The following OR8D4 variants were observed in gnomAD, a reference collection of about 807,000 sequenced individuals.
The protein encoded by OR8D4 is olfactory receptor 8D4.
For synonymous variants in OR8D4, 141 were observed against 134.8 expected (o/e 1.05, Z -0.32); for missense variants, 359 against 372.6 (o/e 0.96, Z 0.30).
chr11:123,905,656 C>G (rs887073520), intron 1 of OR8D4, among the ~76,000 whole-genome samples: 15 of 151,184 alleles, frequency 9.9e-5, no homozygotes, highest in African/African-American at 3.6e-4. Context: ...GTGTCACTAG[C>G]AAAAGTATTC....
chr11:123,906,391 T>G, intron 1 of OR8D4, 26 bp from the exon 2 acceptor site: 1 of 1,299,944 alleles, frequency 7.7e-7, no homozygotes, highest in Non-Finnish European at 1.1e-6. Context: ...TGATAGAATT[T>G]GACTTTTTCT....
In OR8D4 at chr11:123,907,969, A is replaced by T. The variant is rs1331662160; in HGVS notation, c.*593A>T. 6.6e-6 allele frequency: 1 copy of T among 152,138 alleles called. No homozygotes were observed. The highest frequency in any genetic ancestry group is 2.4e-5 in the African/African-American group (1 of 41,436). The allele number at this position is 152,138 out of a possible 1,614,324, so 9.4% of individuals were successfully genotyped here. A position where few individuals can be genotyped will look rare whatever the true frequency, so the allele number is the denominator to read the frequency against. On this transcript the variant is annotated 3_prime_UTR_variant, in exon 2 of 2. Transcript: ENST00000641687. ...AATCCAAGCCCAAAAGGAAATCATC[A>T]TCATGGTGTACTGCATAGTCATATC...
chr11:123,906,216 C>G (rs1375943373), intron 1 of OR8D4: 4 of 502,676 alleles, frequency 8.0e-6, no homozygotes, highest in African/African-American at 7.9e-5. Context: ...ATTTGTTCCA[C>G]TGGAGGGTAT....
In OR8D4 at chr11:123,907,493, T is replaced by C. The variant is rs991271357; in HGVS notation, c.*117T>C. ...CAGGTACGGTGACTTACGCCTGTAA[T>C]CCCAGCACTTTGGGAGGCCGAGTTG... On this transcript the variant is annotated 3_prime_UTR_variant, in exon 2 of 2. Coordinates refer to ENST00000641687, the MANE Select transcript of OR8D4 (RefSeq NM_001005197.2). The C allele has an allele frequency of 1.9e-6, 1 of 531,828 alleles. No homozygotes were observed. The highest frequency in any genetic ancestry group is 3.3e-6 in the Non-Finnish European group (1 of 306,912). The allele number at this position is 531,828 out of a possible 1,614,324, so 32.9% of individuals were successfully genotyped here.
In OR8D4 at chr11:123,907,103, C is replaced by T. The variant is rs140051872; in HGVS notation, c.672C>T (p.Ser224=). The stretch of plus-strand genomic sequence containing the variant: ...TTTCATATGCTTTTATCCTCACCAG[C>T]ATCCTGCGCATCCACTCTAAAAAGG... The part of the protein sequence containing the change: ...IIISYAFILT[S]ILRIHSKKGR... Residue 224 remains serine, a synonymous_variant, in exon 2 of 2, where the codon AGC becomes AGT. Coordinates refer to ENST00000641687, the MANE Select transcript of OR8D4 (RefSeq NM_001005197.2). The T allele has an allele frequency of 9.2e-4, 1,491 of 1,614,020 alleles. 3 individuals are homozygous for T. The highest frequency in any genetic ancestry group is 1.2e-3 in the Non-Finnish European group (1,362 of 1,179,938).
At chr11:123,902,282 A>T (rs924823057) in intron 1 of OR8D4, 25 bp downstream of exon 1, 2 of 152,174 alleles carry the variant, frequency 1.3e-5, no homozygotes, top group African/African-American at 4.8e-5. Flanking sequence ...TATGATGTTC[A>T]TATTATAAGT....
Position 123,906,630 on chromosome 11 carries a change from T to G in OR8D4, c.199T>G (p.Ser67Ala). The G allele has an allele frequency of 1.2e-6, 2 of 1,613,954 alleles. No individual in the cohort carries two copies. Among genetic ancestry groups the G allele is most frequent in the South Asian group, 1.1e-5 (1 of 91,070 alleles). The change falls in exon 2 of 2, where the codon TCT becomes GCT. Residue 67 changes from serine to alanine, a missense_variant. Transcript: ENST00000641687. The part of the protein sequence containing the change: ...TPMYYFLSSL[S>A]FLDFCYSSVI... ...CATGTACTATTTCCTGAGTAGTTTG[T>G]CTTTTTTAGATTTCTGCTATTCTTC...
In OR8D4 at chr11:123,907,793, A is replaced by T. The variant is rs999698167; in HGVS notation, c.*417A>T. 1 of 151,704 alleles carries T rather than the reference A, an allele frequency of 6.6e-6. No homozygotes were observed. Among genetic ancestry groups the T allele is most frequent in the Admixed American group, 6.6e-5 (1 of 15,216 alleles). The allele number at this position is 151,704 out of a possible 1,614,324, so 9.4% of individuals were successfully genotyped here. A position where few individuals can be genotyped will look rare whatever the true frequency, so the allele number is the denominator to read the frequency against. On this transcript the variant is annotated 3_prime_UTR_variant, in exon 2 of 2. Coordinates refer to ENST00000641687, the MANE Select transcript of OR8D4 (RefSeq NM_001005197.2). ...AAGTAATTTGAAATCAGATGAAATT[A>T]TATATATTTAGATTAGTAAATATAT...
chr11:123,907,227 A>G lies in OR8D4; in HGVS notation c.796A>G (p.Ser266Gly). The G allele has an allele frequency of 6.2e-7, 1 of 1,613,802 alleles. No individual in the cohort carries two copies. ...MSMYLKPASS[S>G]SLTQEKVSSV... The stretch of plus-strand genomic sequence containing the variant: ...CATGTATCTCAAACCTGCTTCTAGC[A>G]GTTCACTCACCCAGGAGAAAGTATC... The change falls in exon 2 of 2, where the codon AGT (serine) becomes GGT (glycine). Residue 266 changes from serine to glycine, a missense_variant. By Grantham distance (56) the Ser-to-Gly change is moderately conservative (BLOSUM62 0). Coordinates refer to ENST00000641687, the MANE Select transcript of OR8D4 (RefSeq NM_001005197.2).
chr11:123,905,009 G>A (rs1027443851), intron 1 of OR8D4, among the ~76,000 whole-genome samples: 1 of 152,136 alleles, frequency 6.6e-6, no homozygotes, highest in African/African-American at 2.4e-5. Context: ...CAGAATAGAC[G>A]ATTCCAAGAT....
In OR8D4 at chr11:123,907,126, A is replaced by G; in HGVS notation, c.695A>G (p.Lys232Arg). 1 of 1,613,992 alleles carries G rather than the reference A, an allele frequency of 6.2e-7. No individual in the cohort carries two copies. Among genetic ancestry groups the G allele is most frequent in the Non-Finnish European group, 8.5e-7 (1 of 1,179,930 alleles). The stretch of plus-strand genomic sequence containing the variant: ...AGCATCCTGCGCATCCACTCTAAAA[A>G]GGGCAGGTGCAAAGCGTTTAGCACC... ...LTSILRIHSK[K>R]GRCKAFSTCS... Residue 232 changes from lysine (K) to arginine (R), a missense_variant, in exon 2 of 2, where the codon AAG (lysine) becomes AGG (arginine). By Grantham distance (26) the Lys-to-Arg change is conservative (BLOSUM62 2). Coordinates refer to ENST00000641687, the MANE Select transcript of OR8D4 (RefSeq NM_001005197.2).
Position 123,906,693 on chromosome 11 carries a change from A to C in OR8D4, c.262A>C (p.Arg88=). 1.2e-6 allele frequency: 2 copies of C among 1,613,900 alleles called. No homozygotes were observed. Among genetic ancestry groups the C allele is most frequent in the South Asian group, 1.1e-5 (1 of 91,070 alleles). The change falls in exon 2 of 2, where the codon AGA becomes CGA. Residue 88 remains arginine (R), a synonymous_variant. Coordinates refer to ENST00000641687, the MANE Select transcript of OR8D4 (RefSeq NM_001005197.2). ...TPKMLSGFLC[R]DRSISYSGCM... The stretch of plus-strand genomic sequence containing the variant: ...TAAAATGCTATCAGGGTTTTTATGC[A>C]GAGATAGATCCATCTCCTATTCTGG...
In OR8D4 at chr11:123,908,669, T is replaced by C. The variant is rs1338692173; in HGVS notation, c.*1293T>C. The C allele has an allele frequency of 2.6e-5, 4 of 152,142 alleles. No individual in the cohort carries two copies. Among genetic ancestry groups the C allele is most frequent in the African/African-American group, 9.7e-5 (4 of 41,442 alleles). 9.4% of individuals were successfully genotyped at this position (152,142 alleles called of 1,614,324 possible). On this transcript the variant is annotated 3_prime_UTR_variant, in exon 2 of 2. Transcript: ENST00000641687. The stretch of plus-strand genomic sequence containing the variant: ...TTATAGATAAGTCCTTTGGAAAAAA[T>C]GAGTTATGTAATTTTCAGTGGTTCA...
At chr11:123,902,540 C>T (rs1863168612) in intron 1 of OR8D4, among the ~76,000 whole-genome samples, 1 of 152,110 alleles carries the variant, frequency 6.6e-6, no homozygotes, top group Non-Finnish European at 1.5e-5. Flanking sequence ...ATGTAAAATA[C>T]ATTCACAGTT....
At chr11:123,904,558 T>C (rs1249873600) in intron 1 of OR8D4, among the ~76,000 whole-genome samples, 1 of 152,158 alleles carries the variant, frequency 6.6e-6, no homozygotes, top group Non-Finnish European at 1.5e-5. Flanking sequence ...CTCCGGGTAT[T>C]TCTGTAACAG....
At position 123,907,161 on chromosome 11, in the gene OR8D4, C is replaced by A. The variant is rs201138771; in HGVS notation, c.730C>A (p.His244Asn). ...CAAAGCGTTTAGCACCTGTAGCTCCCACCTGACAGCTGTTCTTATGTTTTA... is the reference window on the plus strand; with the variant it reads ...CAAAGCGTTTAGCACCTGTAGCTCCAACCTGACAGCTGTTCTTATGTTTTA... ...RCKAFSTCSS[H>N]LTAVLMFYGS... The change falls in exon 2 of 2, where the codon CAC becomes AAC. Residue 244 changes from histidine (H) to asparagine (N), a missense_variant. By Grantham distance (68) the His-to-Asn change is moderately conservative (BLOSUM62 1). Transcript: ENST00000641687. 6.2e-7 allele frequency: 1 copy of A among 1,613,736 alleles called. No individual in the cohort carries two copies. Among genetic ancestry groups the A allele is most frequent in the African/African-American group, 1.3e-5 (1 of 75,020 alleles).
chr11:123,903,186 A>G lies in OR8D4; in HGVS notation c.-16+929A>G, dbSNP rs191469735. On this transcript the variant is annotated intron_variant, in intron 1 of 1. Coordinates refer to ENST00000641687, the MANE Select transcript of OR8D4 (RefSeq NM_001005197.2). ...GTAATCTAGAGATGATTTAAAGTATACAAAAGGATGTGCTTAGTTAGGTTA... is the reference window on the plus strand; with the variant it reads ...GTAATCTAGAGATGATTTAAAGTATGCAAAAGGATGTGCTTAGTTAGGTTA... 7.6e-3 allele frequency among the ~76,000 whole-genome samples: 750 copies of G among 98,734 alleles called. 7 individuals are homozygous for G. Among genetic ancestry groups the G allele is most frequent in the Admixed American group, 0.014 (113 of 8,260 alleles). 64.8% of individuals were successfully genotyped at this position (98,734 alleles called of 152,430 possible). A position where few individuals can be genotyped will look rare whatever the true frequency, so the allele number is the denominator to read the frequency against.
rs749518520 is a variant in OR8D4, at chr11:123,906,455, A to G, written c.24A>G (p.Thr8=). 30 of 1,608,184 alleles carry G rather than the reference A, an allele frequency of 1.9e-5. No homozygotes were observed. The highest frequency in any genetic ancestry group is 2.2e-5 in the Non-Finnish European group (26 of 1,177,212). Residue 8 remains threonine (T), a synonymous_variant, in exon 2 of 2, where the codon ACA becomes ACG. Coordinates refer to ENST00000641687, the MANE Select transcript of OR8D4 (RefSeq NM_001005197.2). ...GAATGGGTGTAAAAAACCATTCCACAGTGACTGAGTTTCTTCTTTCAGGAT... is the reference window on the plus strand; with the variant it reads ...GAATGGGTGTAAAAAACCATTCCACGGTGACTGAGTTTCTTCTTTCAGGAT... MGVKNHS[T]VTEFLLSGLT... is the part of the protein sequence containing the mutation.
At chr11:123,902,830 G>C (rs928156783) in intron 1 of OR8D4, among the ~76,000 whole-genome samples, 2 of 152,090 alleles carry the variant, frequency 1.3e-5, no homozygotes, top group African/African-American at 2.4e-5. Flanking sequence ...CTAGCCATAG[G>C]TGGCTACTGA....
Sources: gnomAD v4.1 joint callset for allele counts (sites outside exome capture counted in the v4.1 genomes callset) on GRCh38, gnomAD v4.1.1 for gene constraint, MANE v1.5 for transcripts, NCBI Gene and HGNC (gene_info 2026-07-23, HGNC 2026-07-21) for gene names.